The following MSH4 variants were observed in gnomAD, a reference collection of about 807,000 sequenced individuals.
MSH4 encodes the protein mutS protein homolog 4.
In MSH4, 106 loss-of-function variants were observed where a neutral mutation model predicts 113.7. The observed-to-expected ratio is 0.93, with a 90% CI of 0.80 to 1.10. The LOEUF (loss-of-function observed/expected upper bound fraction) is 1.10, where lower values mean the gene tolerates loss of function less well. Among genes scored for constraint, MSH4 ranks in the 50% least tolerant of loss-of-function variants. The pLI is 0.00. For synonymous variants in MSH4, 368 were observed against 380.2 expected, an observed-to-expected ratio of 0.97 and a Z score of 0.37; for missense variants, 1,061 against 1,093.7, an observed-to-expected ratio of 0.97 and a Z score of 0.42.
chr1:75,823,766 G>T (rs183647109), intron 7 of MSH4, among the ~76,000 whole-genome samples: 4 of 152,186 alleles, frequency 2.6e-5, no homozygotes, highest in Non-Finnish European at 5.9e-5. Context: ...TGAGGATGAC[G>T]GTTCCCAGCT....
At chr1:75,802,361 C>T (rs1270230057) in intron 1 of MSH4, among the ~76,000 whole-genome samples, 2 of 151,852 alleles carry the variant, frequency 1.3e-5, no homozygotes, top group Admixed American at 1.3e-4. Flanking sequence ...GCCCTGGAGG[C>T]CAACAGTTAA....
At chr1:75,826,429 T>C (rs1035211234) in intron 7 of MSH4, among the ~76,000 whole-genome samples, 2 of 152,032 alleles carry the variant, frequency 1.3e-5, no homozygotes, top group Non-Finnish European at 2.9e-5. Context: ...GTTCATGGAG[T>C]TTTCGAAGGG....
At chr1:75,883,595 A>G (rs1378435351) in intron 14 of MSH4, 26 bp from the exon 15 acceptor site, 1 of 1,575,658 alleles carries the variant, frequency 6.3e-7, no homozygotes, top group Non-Finnish European at 8.7e-7. Flanking sequence ...TTAATCTTTA[A>G]AAACCATTCT....
Position 75,816,546 on chromosome 1 carries a change from G to T in MSH4, c.989G>T (p.Arg330Met). 6.6e-7 allele frequency: 1 copy of T among 1,517,844 alleles called. No individual in the cohort carries two copies. Among genetic ancestry groups the T allele is most frequent in the Non-Finnish European group, 8.9e-7 (1 of 1,120,154 alleles). 94.0% of individuals were successfully genotyped at this position (1,517,844 alleles called of 1,614,324 possible). The change falls in exon 6 of 20, where the codon AGG (arginine) becomes ATG (methionine). Residue 330 changes from arginine to methionine, a missense_variant and splice_region_variant. Transcript: ENST00000263187. The part of the protein sequence containing the change: ...LELLINNQDY[R>M]NNHTLFGVLN... ...TTGTTAATTAATAATCAAGACTATA[G>T]GTAAGATCATCCATTTTATTTGTAT...
intron 8 of MSH4, among the ~76,000 whole-genome samples, chr1:75,866,457 C>A (rs1457585347): frequency 2.0e-5 from 3 of 152,162 alleles, no homozygotes; most frequent in Non-Finnish European, 4.4e-5. Flanking sequence ...AGCCATTGCA[C>A]CTAGCATGAA....
At position 75,822,419 on chromosome 1, in the gene MSH4, ACT is replaced by A. The variant is rs1308571832; in HGVS notation, c.1005_1006del (p.Phe336TrpfsTer7). 1 of 1,548,742 alleles carries A rather than the reference ACT, an allele frequency of 6.5e-7. No individual in the cohort carries two copies. The highest frequency in any genetic ancestry group is 1.4e-5 in the African/African-American group (1 of 70,088). Reference sequence around the variant, plus strand: ...CTTGTGTTTTGAAAGGAATAATCACACTCTCTTTGGTGTTCTAAATTATACTA... The same window carrying A: ...CTTGTGTTTTGAAAGGAATAATCACACTCTTTGGTGTTCTAAATTATACTA... Reference protein sequence around the residue: ...INNQDYRNNHTLFGVLNYTKT... With the variant: ...INNQDYRNNHXLFGVLNYTKT... On this transcript the variant is annotated frameshift_variant, in exon 7 of 20. Transcript: ENST00000263187. LOFTEE classifies it high-confidence loss of function.
At chr1:75,813,044 A>G (rs1650221840) in intron 4 of MSH4, among the ~76,000 whole-genome samples, 1 of 152,116 alleles carries the variant, frequency 6.6e-6, no homozygotes, top group Non-Finnish European at 1.5e-5. Context: ...TCCTTTTTCT[A>G]CTGCAGATAG....
At chr1:75,885,003 GTGTGTGTATGTGTGTATA>G (rs1652032705) in intron 15 of MSH4, among the ~76,000 whole-genome samples, 1 of 143,438 alleles carries the variant, frequency 7.0e-6, no homozygotes, top group Non-Finnish European at 1.5e-5. Context: ...ATATATATGT[GTGTGTGTATGTGTGTATA>G]TATATATATG....
intron 7 of MSH4, among the ~76,000 whole-genome samples, chr1:75,827,044 G>A (rs1187007508): frequency 1.3e-5 from 2 of 151,912 alleles, no homozygotes; most frequent in African/African-American, 4.8e-5. Flanking sequence ...TGTCAGATTC[G>A]CCAAGGTTGA....
At chr1:75,869,587 G>A (rs192111698) in intron 9 of MSH4, among the ~76,000 whole-genome samples, 274 of 152,262 alleles carry the variant, frequency 1.8e-3, no homozygotes, top group East Asian at 6.8e-3. Context: ...GCTCTGCGTC[G>A]CAGTTGCTCC....
At chr1:75,827,873 T>A (rs887871936) in intron 7 of MSH4, among the ~76,000 whole-genome samples, 3 of 152,144 alleles carry the variant, frequency 2.0e-5, no homozygotes, top group African/African-American at 7.2e-5. Flanking sequence ...CTTAGAGACC[T>A]ACAAGGAGAC....
chr1:75,879,186 A>G, intron 12 of MSH4, 58 bp downstream of exon 12: 1 of 1,526,902 alleles, frequency 6.5e-7, no homozygotes. Flanking sequence ...TTACATCTAC[A>G]TATTTTTGGG....
chr1:75,854,630 T>C (rs1570969007), intron 8 of MSH4, among the ~76,000 whole-genome samples: 1 of 152,212 alleles, frequency 6.6e-6, no homozygotes, highest in African/African-American at 2.4e-5. Context: ...CGATGCTCTC[T>C]TCTTCCTATT....
intron 17 of MSH4, among the ~76,000 whole-genome samples, chr1:75,894,089 C>A (rs1431546974): frequency 1.3e-5 from 2 of 152,152 alleles, no homozygotes; most frequent in Non-Finnish European, 2.9e-5. Flanking sequence ...GGAGCCCTGG[C>A]AGCCTTGAAG....
intron 15 of MSH4, among the ~76,000 whole-genome samples, chr1:75,886,695 A>G (rs1327656867): frequency 7.6e-6 from 1 of 130,816 alleles, no homozygotes; most frequent in Middle Eastern, 4.0e-3. Context: ...ATAATGTATA[A>G]TATATAAATA....
At chr1:75,801,165 G>T (rs1649926508) in intron 1 of MSH4, among the ~76,000 whole-genome samples, 1 of 152,158 alleles carries the variant, frequency 6.6e-6, no homozygotes, top group Non-Finnish European at 1.5e-5. Context: ...ATTTATTTAT[G>T]TATTATCTAT....
chr1:75,797,296 G>T, intron 1 of MSH4, 67 bp downstream of exon 1: 1 of 1,524,154 alleles, frequency 6.6e-7, no homozygotes, highest in Non-Finnish European at 8.8e-7. Flanking sequence ...AGGCTCGGGG[G>T]CACGTGGGTG....
chr1:75,853,305 T>C (rs1290698781), intron 8 of MSH4, among the ~76,000 whole-genome samples: 2 of 152,148 alleles, frequency 1.3e-5, no homozygotes, highest in Non-Finnish European at 2.9e-5. Context: ...CCTCAAGTGA[T>C]CTGCCTGCCT....
rs777034880 is a variant in MSH4 at position 75,797,182 on chromosome 1, G to GCAGCAT, written c.202_203insTCAGCA (p.Ser67_Ser68insIleSer). On this transcript the variant is annotated inframe_insertion, in exon 1 of 20. Coordinates refer to ENST00000263187, the MANE Select transcript of MSH4 (RefSeq NM_002440.4). The stretch of plus-strand genomic sequence containing the variant: ...GGAGCTGCGGGCGACCGGAGCAGCA[G>GCAGCAT]CAGCAGCAGCCTTCCCTGCCCCGCG... 1 of 1,609,764 alleles carries GCAGCAT rather than the reference G, an allele frequency of 6.2e-7. No individual in the cohort carries two copies. The highest frequency in any genetic ancestry group is 1.1e-5 in the South Asian group (1 of 90,538).
Sources: allele counts gnomAD v4.1 joint callset (sites outside exome capture counted in the v4.1 genomes callset), GRCh38; gene constraint gnomAD v4.1.1; transcripts MANE v1.5; gene names NCBI Gene and HGNC (gene_info 2026-07-23, HGNC 2026-07-21).